The following PLA2G4E variants were observed in gnomAD, a reference collection of about 807,000 sequenced individuals.
PLA2G4E encodes phospholipase A2 group IVE, also known as cytosolic phospholipase A2 epsilon.
In PLA2G4E, 84 loss-of-function variants were observed where a neutral mutation model predicts 109.1. The ratio of observed to expected loss-of-function variants is 0.77; its 90% CI spans 0.65 to 0.92. PLA2G4E has a LOEUF of 0.92. Among genes scored for constraint, PLA2G4E ranks in the 40% least tolerant of loss-of-function variants. The pLI is 0.00. For missense variants in PLA2G4E, 1,057 were observed against 1,076.6 expected, an observed-to-expected ratio of 0.98 and a Z score of 0.25; for synonymous variants, 469 against 436.1, an observed-to-expected ratio of 1.08 and a Z score of -0.94.
chr15:42,045,901 C>T (rs1003567217), intron 1 of PLA2G4E, among the ~76,000 whole-genome samples: 4 of 152,110 alleles, frequency 2.6e-5, no homozygotes, highest in African/African-American at 7.2e-5. Flanking sequence ...ATGTGAATCT[C>T]AAGTTTAAAA....
chr15:42,023,167 T>C (rs1284440074), intron 1 of PLA2G4E, among the ~76,000 whole-genome samples: 1 of 151,206 alleles, frequency 6.6e-6, no homozygotes, highest in Non-Finnish European at 1.5e-5. Flanking sequence ...TGGTAGAAAT[T>C]GGGCAGAAAG....
intron 1 of PLA2G4E, among the ~76,000 whole-genome samples, chr15:42,017,228 G>A (rs185323961): frequency 6.6e-6 from 1 of 152,272 alleles, no homozygotes; most frequent in Non-Finnish European, 1.5e-5. Flanking sequence ...GGTGCCTGTG[G>A]CCCAGCCTGC....
chr15:41,993,097 G>T, intron 12 of PLA2G4E, 138 bp from the exon 13 acceptor site: 1 of 696,546 alleles, frequency 1.4e-6, no homozygotes, highest in Non-Finnish European at 2.4e-6. Flanking sequence ...TAGGGGTGAG[G>T]CAGAGACCTG....
intron 1 of PLA2G4E, among the ~76,000 whole-genome samples, chr15:42,017,254 C>T (rs889719891): frequency 6.6e-6 from 1 of 152,230 alleles, no homozygotes; most frequent in Non-Finnish European, 1.5e-5. Context: ...TCAATATCTA[C>T]TCTGGCAGGG....
chr15:42,046,696 C>T (rs1276785745), intron 1 of PLA2G4E, among the ~76,000 whole-genome samples: 1 of 152,152 alleles, frequency 6.6e-6, no homozygotes, highest in Non-Finnish European at 1.5e-5. Flanking sequence ...CTCTCTCTCC[C>T]ACTCCTAGAA....
intron 1 of PLA2G4E, among the ~76,000 whole-genome samples, chr15:42,041,865 G>A (rs1889321912): frequency 1.3e-5 from 2 of 152,182 alleles, no homozygotes; most frequent in Admixed American, 6.5e-5. Context: ...CAGGGCAGAT[G>A]CATTCTTTAG....
In PLA2G4E at chr15:41,984,490, T is replaced by G. The variant is rs1454924733; in HGVS notation, c.2332A>C (p.Ile778Leu). Reference sequence around the variant, plus strand: ...TTGATGAGTGGGAAGAAAGTCACGATGGGGGCATCGGGTTCCTGGGGGTTC... The same window carrying G: ...TTGATGAGTGGGAAGAAAGTCACGAGGGGGGCATCGGGTTCCTGGGGGTTC... Residue 778 changes from isoleucine (I) to leucine (L), a missense_variant, in exon 19 of 20, where the codon ATC becomes CTC. By Grantham distance (5) the Ile-to-Leu change is conservative. Coordinates refer to ENST00000399518, the Ensembl canonical transcript of PLA2G4E. 1.2e-6 allele frequency: 2 copies of G among 1,613,936 alleles called. No individual in the cohort carries two copies. The highest frequency in any genetic ancestry group is 1.7e-5 in the Admixed American group (1 of 60,024).
rs529213297 is a variant in PLA2G4E at position 42,006,601 on chromosome 15, G to A, written c.394-480C>T. On this transcript the variant is annotated intron_variant, in intron 3 of 19. Transcript: ENST00000399518. ...ATGTGGCAAAGCTTGTAGGGGTTCT[G>A]ATAATTGGTGGGGTATATGAACTCT... Among the ~76,000 whole-genome samples the A allele has an allele frequency of 5.3e-5, 8 of 152,324 alleles. No individual in the cohort carries two copies. In the South Asian group the frequency reaches 1.7e-3, roughly 32 times the overall value.
chr15:42,007,652 G>A (rs1230122106), intron 3 of PLA2G4E, 77 bp downstream of exon 3: 1 of 1,500,196 alleles, frequency 6.7e-7, no homozygotes, highest in East Asian at 2.4e-5. Context: ...AGAACACAGA[G>A]GCAAAGAGAA....
chr15:42,012,633 CCTTT>C (rs1246754765), intron 2 of PLA2G4E, among the ~76,000 whole-genome samples: 10 of 152,270 alleles, frequency 6.6e-5, no homozygotes, highest in African/African-American at 2.4e-4. Context: ...CTCTGTGCAG[CCTTT>C]CTTGGCCACT....
exon 4 of PLA2G4E, chr15:42,006,110 C>T (rs1262093901): frequency 1.9e-6 from 3 of 1,613,824 alleles, no homozygotes; most frequent in Non-Finnish European, 2.5e-6. Flanking sequence ...AGACACTCAA[C>T]TCTAGCACGT....
intron 1 of PLA2G4E, among the ~76,000 whole-genome samples, chr15:42,033,489 C>T (rs1179430295): frequency 6.7e-6 from 1 of 150,232 alleles, no homozygotes; most frequent in Admixed American, 6.6e-5. Flanking sequence ...CCAGCCTCTG[C>T]ACTCTGTCTG....
chr15:41,987,207 T>C (rs141924973), exon 17 of PLA2G4E: 7 of 1,614,010 alleles, frequency 4.3e-6, no homozygotes, highest in Admixed American at 3.3e-5. Flanking sequence ...CTGGAGGTAG[T>C]TGGTGTGCAG....
intron 15 of PLA2G4E, among the ~76,000 whole-genome samples, chr15:41,988,804 G>A (rs2068192421): frequency 6.6e-6 from 1 of 152,168 alleles, no homozygotes; most frequent in African/African-American, 2.4e-5. Context: ...GGGGCTTCTG[G>A]GGGAAGAAGT....
chr15:42,012,575 C>T (rs1402808830), intron 2 of PLA2G4E, among the ~76,000 whole-genome samples: 1 of 152,140 alleles, frequency 6.6e-6, no homozygotes, highest in Non-Finnish European at 1.5e-5. Context: ...AGATCGGGCT[C>T]CCAAGGCCTC....
At chr15:42,004,130 C>G (rs1420875039) in intron 5 of PLA2G4E, among the ~76,000 whole-genome samples, 2 of 152,088 alleles carry the variant, frequency 1.3e-5, no homozygotes, top group African/African-American at 4.8e-5. Context: ...GATGAAACCC[C>G]ATCTCTACTA....
rs1369015772 is a variant in PLA2G4E, at chr15:41,997,108, A to G, written c.1110+16T>C. ...GACCAGCTGGGCCCAGGCTGGCCACATCCCTGATTACCCACCTCGTCCTCC... is the reference window on the plus strand; with the variant it reads ...GACCAGCTGGGCCCAGGCTGGCCACGTCCCTGATTACCCACCTCGTCCTCC... On this transcript the variant is annotated intron_variant, in intron 11 of 19. Transcript: ENST00000399518. 6.4e-7 allele frequency: 1 copy of G among 1,553,314 alleles called. No individual in the cohort carries two copies. Among genetic ancestry groups the G allele is most frequent in the Admixed American group, 1.9e-5 (1 of 52,360 alleles).
At chr15:41,997,351 C>G (rs1473654399) in intron 10 of PLA2G4E, 92 bp from the exon 11 acceptor site, 8 of 1,341,544 alleles carry the variant, frequency 6.0e-6, no homozygotes, top group South Asian at 1.8e-5. Context: ...AGGCTCAAAG[C>G]CTACTTCTGC....
intron 13 of PLA2G4E, 101 bp from the exon 14 acceptor site, chr15:41,990,336 G>T (rs2068222884): frequency 9.9e-7 from 1 of 1,013,778 alleles, no homozygotes; most frequent in African/African-American, 1.6e-5. Context: ...CCACTTCCTG[G>T]CTCCTGAGCT....
Sources: gnomAD v4.1 joint callset for allele counts (sites outside exome capture counted in the v4.1 genomes callset) on GRCh38, gnomAD v4.1.1 for gene constraint, MANE v1.5 for transcripts, NCBI Gene and HGNC (gene_info 2026-07-23, HGNC 2026-07-21) for gene names.